The following VBP1 variants were observed in gnomAD, a reference collection of about 807,000 sequenced individuals.
VBP1 encodes the protein prefoldin subunit 3.
Under a neutral mutation model 15.5 loss-of-function variants are expected in VBP1, and 4 were observed. The observed-to-expected ratio is 0.26, with a 90% CI of 0.13 to 0.59. VBP1 has a LOEUF of 0.59. Among genes scored for constraint, VBP1 ranks in the 20% least tolerant of loss-of-function variants. The probability of loss-of-function intolerance (pLI) is 0.90; values close to 1 mark genes in which losing one functional copy is unlikely to be tolerated. For synonymous variants in VBP1, 61 were observed against 52.1 expected (o/e 1.17, Z -0.74); for missense variants, 108 against 139.6 (o/e 0.77, Z 1.14).
At chrX:155,219,652 A>C (rs1444371033) in intron 1 of VBP1, among the ~76,000 whole-genome samples, 1 of 111,898 alleles carries the variant, frequency 8.9e-6, no homozygotes, top group Non-Finnish European at 1.9e-5. Flanking sequence ...TTAGTTTCAT[A>C]TTTACTACTA....
chrX:155,198,581 A>T (rs1557306969), intron 1 of VBP1, among the ~76,000 whole-genome samples: 1 of 111,249 alleles, frequency 9.0e-6, no homozygotes, highest in East Asian at 2.8e-4. Flanking sequence ...ACAAACAGAA[A>T]GGACATCCAC....
At chrX:155,230,673 C>G (rs782465735) in intron 4 of VBP1, among the ~76,000 whole-genome samples, 9 of 110,295 alleles carry the variant, frequency 8.2e-5, no homozygotes, top group Non-Finnish European at 1.3e-4. Context: ...CTGGTACTCT[C>G]TGTTACTTCT....
At chrX:155,235,633 G>C (rs920239565) in intron 4 of VBP1, among the ~76,000 whole-genome samples, 29 of 111,734 alleles carry the variant, frequency 2.6e-4, no homozygotes, top group African/African-American at 9.4e-4. Context: ...TAGTAGGAAG[G>C]GACAGGTAAA....
At chrX:155,212,619 A>G (rs1557308626), upstream of VBP1, among the ~76,000 whole-genome samples, 1 of 112,006 alleles carries the variant, frequency 8.9e-6, no homozygotes, top group Non-Finnish European at 1.9e-5. Flanking sequence ...TGAGCTAGAT[A>G]GGTGAAGACA....
chrX:155,226,872 T>G (rs782011309), intron 2 of VBP1, among the ~76,000 whole-genome samples: 144 of 111,933 alleles, frequency 1.3e-3, no homozygotes, highest in African/African-American at 4.6e-3. Context: ...TATAGTCTGC[T>G]CTAGAAATGT....
chrX:155,210,949 G>A (rs1247487296), intron 2 of VBP1, among the ~76,000 whole-genome samples: 2 of 111,767 alleles, frequency 1.8e-5, no homozygotes, highest in African/African-American at 3.3e-5. Flanking sequence ...CCCACACACC[G>A]TTATTTTTGA....
chrX:155,229,146 A>G (rs1282538934), intron 4 of VBP1, among the ~76,000 whole-genome samples: 3 of 112,031 alleles, frequency 2.7e-5, no homozygotes, highest in African/African-American at 9.7e-5. Context: ...GCTGTCCTGT[A>G]GGATCACTCT....
upstream of VBP1, among the ~76,000 whole-genome samples, chrX:155,212,154 C>T (rs999538922): frequency 8.9e-6 from 1 of 112,011 alleles, no homozygotes. Flanking sequence ...TTAGCCTTAA[C>T]CATTGTGCTG....
Position 155,220,257 on chromosome X carries a change from G to C in VBP1, c.168G>C (p.Gln56His). 1 of 1,191,294 alleles carries C rather than the reference G, an allele frequency of 8.4e-7. No individual in the cohort carries two copies. Among genetic ancestry groups the C allele is most frequent in the Non-Finnish European group, 1.1e-6 (1 of 885,853 alleles). ...ADTVLKKLDE[Q>H]YQKYKFMELN... ...CAGTATTAAAGAAGCTGGATGAACA[G>C]TACCAGAAGTATAAGTTTATGGAAC... The change falls in exon 2 of 6, where the codon CAG (glutamine) becomes CAC (histidine). Residue 56 changes from glutamine (Q) to histidine (H), a missense_variant. Gln to His is a conservative substitution (Grantham distance 24, BLOSUM62 0). Coordinates refer to ENST00000286428, the MANE Select transcript of VBP1 (RefSeq NM_003372.7).
At chrX:155,206,152 G>C (rs1167912069) in intron 1 of VBP1, among the ~76,000 whole-genome samples, 1 of 112,037 alleles carries the variant, frequency 8.9e-6, no homozygotes, top group Non-Finnish European at 1.9e-5. Flanking sequence ...CAGGGAAGAA[G>C]AATTAAGAGT....
At chrX:155,212,007 A>G (rs192964437), upstream of VBP1, among the ~76,000 whole-genome samples, 1 of 112,260 alleles carries the variant, frequency 8.9e-6, no homozygotes, top group African/African-American at 3.2e-5. Context: ...ATTCCATTCA[A>G]TCTACTTAAT....
intron 2 of VBP1, among the ~76,000 whole-genome samples, chrX:155,223,890 C>T (rs1434144866): frequency 8.2e-5 from 9 of 109,295 alleles, no homozygotes; most frequent in East Asian, 2.9e-4. Flanking sequence ...TCAGATGGGG[C>T]GGCTGCCGGG....
intron 2 of VBP1, among the ~76,000 whole-genome samples, chrX:155,222,278 G>T (rs1323397441): frequency 1.8e-5 from 2 of 112,143 alleles, no homozygotes; most frequent in Non-Finnish European, 3.8e-5. Flanking sequence ...GAGCCCAGGA[G>T]TTCAAGACCA....
Position 155,201,056 on chromosome X carries a change from G to C in VBP1, c.-31+3917G>C, listed in dbSNP as rs375323672. Among the ~76,000 whole-genome samples the C allele has an allele frequency of 7.9e-4, 87 of 110,738 alleles. 1 individual carries two copies. Among genetic ancestry groups the C allele is most frequent in the African/African-American group, 2.5e-3 (75 of 30,465 alleles). On this transcript the variant is annotated intron_variant, in intron 1 of 6. Transcript: ENST00000535916. ...ACACATACACCCTCCCAAGACTAAA[G>C]CAGGAAGAAGTTGAATCTCTGAATA... is the stretch of plus-strand genomic sequence containing the variant.
intron 2 of VBP1, among the ~76,000 whole-genome samples, chrX:155,222,781 G>C (rs1293585365): frequency 9.0e-6 from 1 of 111,043 alleles, no homozygotes; most frequent in Non-Finnish European, 1.9e-5. Context: ...TTTTAAAAGA[G>C]AATGGTAGAG....
chrX:155,235,966 A>G (rs958789545), intron 4 of VBP1, among the ~76,000 whole-genome samples: 1 of 112,216 alleles, frequency 8.9e-6, no homozygotes, highest in Admixed American at 9.4e-5. Context: ...TCTTTAACCA[A>G]GGGGTCAGCA....
At chrX:155,207,508 G>A (rs1341666060) in intron 1 of VBP1, among the ~76,000 whole-genome samples, 2 of 111,901 alleles carry the variant, frequency 1.8e-5, no homozygotes, top group African/African-American at 6.5e-5. Context: ...AAGGCAAGAG[G>A]TCTTGGTACC....
intron 1 of VBP1, among the ~76,000 whole-genome samples, chrX:155,202,191 T>C (rs2074607250): frequency 8.9e-6 from 1 of 111,781 alleles, no homozygotes; most frequent in Non-Finnish European, 1.9e-5. Context: ...CTGCCCAAGG[T>C]AATTTATAGA....
chrX:155,230,375 C>G (rs1258181954), intron 4 of VBP1, among the ~76,000 whole-genome samples: 4 of 111,514 alleles, frequency 3.6e-5, no homozygotes, highest in African/African-American at 1.3e-4. Flanking sequence ...AGAATTCAAT[C>G]CATAATACCT....
Sources: gnomAD v4.1 joint callset for allele counts (sites outside exome capture counted in the v4.1 genomes callset) on GRCh38, gnomAD v4.1.1 for gene constraint, MANE v1.5 for transcripts, NCBI Gene and HGNC (gene_info 2026-07-23, HGNC 2026-07-21) for gene names.